The following SCN1A variants were observed in gnomAD, a reference collection of about 807,000 sequenced individuals.
The protein encoded by SCN1A is sodium channel protein type 1 subunit alpha.
In SCN1A, 13 loss-of-function variants were observed where a neutral mutation model predicts 193.7. The observed-to-expected ratio is 0.07, with a 90% CI of 0.04 to 0.11. The LOEUF is 0.11. SCN1A is among the 10% of genes least tolerant of loss of function. The pLI is 1.00. For synonymous variants in SCN1A, 781 were observed against 843.6 expected (o/e 0.93, Z 1.29); for missense variants, 1,432 against 2,451.1 (o/e 0.58, Z 8.78).
In SCN1A at chr2:166,042,317, G is replaced by A. The variant is rs759945540; in HGVS notation, c.2151C>T (p.Ala717=). Residue 717 remains alanine (A), a synonymous_variant, in exon 15 of 29, where the codon GCC becomes GCT. Coordinates refer to ENST00000674923, the MANE Select transcript of SCN1A (RefSeq NM_001165963.4). ...CTTCTACTGTATTTGTTAGAATGCTGGCTATACTCATTGCTCGTTGCCTTT... is the reference window on the plus strand; with the variant it reads ...CTTCTACTGTATTTGTTAGAATGCTAGCTATACTCATTGCTCGTTGCCTTT... ...PSQRQRAMSI[A]SILTNTVEEL... is the part of the protein sequence containing the mutation. 1.2e-6 allele frequency: 2 copies of A among 1,613,814 alleles called. No individual in the cohort carries two copies. The highest frequency in any genetic ancestry group is 2.2e-5 in the South Asian group (2 of 91,044).
At chr2:166,011,933 A>G (rs1269881189) in intron 22 of SCN1A, among the ~76,000 whole-genome samples, 176 bp downstream of exon 22, 2 of 151,364 alleles carry the variant, frequency 1.3e-5, no homozygotes, top group Non-Finnish European at 1.5e-5. Flanking sequence ...GTTATTTTAA[A>G]TCAGAATTAA....
rs1364185359 is a variant in SCN1A, at chr2:165,987,609, A to C, written c.*3636T>G. 1 of 152,160 alleles carries C rather than the reference A, an allele frequency of 6.6e-6. No individual in the cohort carries two copies. The highest frequency in any genetic ancestry group is 2.4e-5 in the African/African-American group (1 of 41,448). 9.4% of individuals were successfully genotyped at this position (152,160 alleles called of 1,614,324 possible). A position where few individuals can be genotyped will look rare whatever the true frequency, so the allele number is the denominator to read the frequency against. On this transcript the variant is annotated 3_prime_UTR_variant, in exon 29 of 29. Transcript: ENST00000674923. Reference sequence around the variant, plus strand: ...GCTGATTCTTATTCAATGAATTATAATCTTTTACTATCATTTATTTTGATG... The same window carrying C: ...GCTGATTCTTATTCAATGAATTATACTCTTTTACTATCATTTATTTTGATG...
intron 2 of SCN1A, among the ~76,000 whole-genome samples, chr2:166,111,522 T>A (rs998198552): frequency 1.3e-5 from 2 of 152,064 alleles, no homozygotes; most frequent in South Asian, 2.1e-4. Flanking sequence ...ACAAGGAGAT[T>A]AATGTTATTT....
intron 2 of SCN1A, among the ~76,000 whole-genome samples, chr2:166,115,071 A>G (rs1264080927): frequency 2.6e-5 from 4 of 152,186 alleles, no homozygotes; most frequent in Non-Finnish European, 4.4e-5. Flanking sequence ...AGACCAAAGA[A>G]TGCCTCAAAA....
In SCN1A at chr2:165,988,120, A is replaced by G. The variant is rs572609099; in HGVS notation, c.*3125T>C. ...CGTTCCTCAGAAATTTAGATAGATT[A>G]ATTTAGACTGTTAATTTTACTATCT... On this transcript the variant is annotated 3_prime_UTR_variant, in exon 29 of 29. Transcript: ENST00000674923. 110 of 152,200 alleles carry G rather than the reference A, an allele frequency of 7.2e-4. No individual in the cohort carries two copies. The highest frequency in any genetic ancestry group is 2.6e-3 in the African/African-American group (108 of 41,534). 9.4% of individuals were successfully genotyped at this position (152,200 alleles called of 1,614,324 possible). A position where few individuals can be genotyped will look rare whatever the true frequency, so the allele number is the denominator to read the frequency against.
At chr2:166,143,262 G>A (rs1296505507) in intron 1 of SCN1A, among the ~76,000 whole-genome samples, 2 of 148,634 alleles carry the variant, frequency 1.3e-5, no homozygotes, top group African/African-American at 5.0e-5. Flanking sequence ...CGCCTCCCGG[G>A]TTCAAGCCAT....
intron 19 of SCN1A, among the ~76,000 whole-genome samples, chr2:166,032,202 T>TACACACACACAC: frequency 1.3e-4 from 10 of 77,228 alleles, no homozygotes; most frequent in East Asian, 5.3e-4. Flanking sequence ...TTGAAAGTCA[T>TACACACACACAC]ACACACACAC....
At chr2:166,045,473 AG>A (rs1301510208) in intron 12 of SCN1A, 146 bp from the exon 13 acceptor site, 7 of 902,826 alleles carry the variant, frequency 7.8e-6, no homozygotes, top group Non-Finnish European at 1.1e-5. Flanking sequence ...CAAGTATAAG[AG>A]GAGATTTTTT....
rs899601894 is a variant in SCN1A at position 166,061,031 on chromosome 2, T to C, written c.265-2343A>G. On this transcript the variant is annotated intron_variant, in intron 4 of 28. Transcript: ENST00000674923. Reference sequence around the variant, plus strand: ...ATACAAAGAGATAATGAGAAAGAAATGACAATCCATAGATGGCCTAAATCA... The same window carrying C: ...ATACAAAGAGATAATGAGAAAGAAACGACAATCCATAGATGGCCTAAATCA... Among the ~76,000 whole-genome samples the C allele has an allele frequency of 1.4e-4, 22 of 152,110 alleles. No homozygotes were observed. In the East Asian group the frequency reaches 1.7e-3, roughly 12 times the overall value.
chr2:166,056,749 G>A (rs557669583), intron 5 of SCN1A, among the ~76,000 whole-genome samples: 6 of 152,066 alleles, frequency 3.9e-5, no homozygotes, highest in African/African-American at 1.4e-4. Flanking sequence ...ATCAGTATAA[G>A]GTGTTGTTTT....
chr2:165,994,427 A>G lies in SCN1A; in HGVS notation c.4582-11T>C, dbSNP rs377533926. ...TCCTTGAAATTTGTTCTGTAGAGAA[A>G]TAGAAATGCTTTTAACAACAAAGGA... On this transcript the variant is annotated splice_polypyrimidine_tract_variant and intron_variant, in intron 27 of 28. Transcript: ENST00000674923. The G allele has an allele frequency of 2.5e-5, 40 of 1,612,246 alleles. No homozygotes were observed. The highest frequency in any genetic ancestry group is 3.3e-5 in the Non-Finnish European group (39 of 1,178,968).
intron 1 of SCN1A, among the ~76,000 whole-genome samples, chr2:166,144,289 T>A (rs909970627): frequency 6.6e-6 from 1 of 152,240 alleles, no homozygotes; most frequent in Non-Finnish European, 1.5e-5. Context: ...TGTTGCTATG[T>A]TCTGCATTTT....
chr2:166,030,507 C>T (rs1695421402), intron 19 of SCN1A, among the ~76,000 whole-genome samples: 1 of 151,888 alleles, frequency 6.6e-6, no homozygotes, highest in South Asian at 2.1e-4. Context: ...TTTTTGTTCC[C>T]AAAAGGTACA....
intron 2 of SCN1A, among the ~76,000 whole-genome samples, chr2:166,108,507 A>T (rs940643547): frequency 6.6e-6 from 1 of 152,080 alleles, no homozygotes; most frequent in Non-Finnish European, 1.5e-5. Flanking sequence ...ACTTATATGG[A>T]CATGTTCATA....
At chr2:166,105,130 A>G (rs369970103) in intron 2 of SCN1A, among the ~76,000 whole-genome samples, 53 of 152,340 alleles carry the variant, frequency 3.5e-4, no homozygotes, top group African/African-American at 1.2e-3. Context: ...TGCTTGCTGT[A>G]CCTGGACCTT....
At chr2:166,007,068 T>TC (rs1231890152) in intron 23 of SCN1A, among the ~76,000 whole-genome samples, 1 of 150,888 alleles carries the variant, frequency 6.6e-6, no homozygotes, top group Admixed American at 6.6e-5. Context: ...TTTTTTTTTT[T>TC]CAAATGAAAT....
At chr2:166,062,418 ACCT>A (rs528602017) in intron 4 of SCN1A, among the ~76,000 whole-genome samples, 2 of 152,088 alleles carry the variant, frequency 1.3e-5, no homozygotes, top group Non-Finnish European at 2.9e-5. Flanking sequence ...TCTGTATCTT[ACCT>A]CCTTGTAATT....
chr2:166,132,312 G>A (rs1248100161), upstream of SCN1A, among the ~76,000 whole-genome samples: 1 of 151,980 alleles, frequency 6.6e-6, no homozygotes, highest in Non-Finnish European at 1.5e-5. Context: ...CACTACTGAT[G>A]TGATCCTTGG....
chr2:165,988,715 C>T lies in SCN1A; in HGVS notation c.*2530G>A, dbSNP rs971086042. 2 of 152,174 alleles carry T rather than the reference C, an allele frequency of 1.3e-5. No homozygotes were observed. The highest frequency in any genetic ancestry group is 2.4e-5 in the African/African-American group (1 of 41,434). The allele number at this position is 152,174 out of a possible 1,614,324, so 9.4% of individuals were successfully genotyped here. On this transcript the variant is annotated 3_prime_UTR_variant, in exon 29 of 29. Transcript: ENST00000674923. The stretch of plus-strand genomic sequence containing the variant: ...CCATTTTTGCAATGTGTAGAAGTCA[C>T]CCTTCTGGGACACACAGAATGATGC...
Sources: allele counts gnomAD v4.1 joint callset (sites outside exome capture counted in the v4.1 genomes callset), GRCh38; gene constraint gnomAD v4.1.1; transcripts MANE v1.5; gene names NCBI Gene and HGNC (gene_info 2026-07-23, HGNC 2026-07-21).